ECE1: variants seen among roughly 807,000 people sequenced by gnomAD.
ECE1 encodes endothelin-converting enzyme 1.
ECE1 carries 35 observed loss-of-function variants against 98.6 expected under a neutral mutation model. The observed-to-expected ratio is 0.35, with a 90% CI of 0.27 to 0.47. ECE1 has a LOEUF of 0.47. Ranked by LOEUF, ECE1 falls within the 20% of genes least tolerant of loss-of-function variation. ECE1 has a pLI of 1.00. For synonymous variants in ECE1, 394 were observed against 407.1 expected, an observed-to-expected ratio of 0.97 and a Z score of 0.39; for missense variants, 814 against 1,025.3, an observed-to-expected ratio of 0.79 and a Z score of 2.81.
rs749116675 is a variant in ECE1 at position 21,290,193 on chromosome 1, C to G, written c.52-37G>C. On this transcript the variant is annotated intron_variant, in intron 1 of 18. Transcript: ENST00000374893. The surrounding 1 kb of genome is among the most constrained non-coding windows in gnomAD (Gnocchi z 7.3). ...AATGCAGCACGGACTCCCTCAGCGC[C>G]TCCATGGCTCTCGCGCCCGAATGGG... 4 of 1,492,688 alleles carry G rather than the reference C, an allele frequency of 2.7e-6. No individual in the cohort carries two copies. The South Asian group carries it at 5.2e-5, about 19-fold the overall frequency. 92.5% of individuals were successfully genotyped at this position (1,492,688 alleles called of 1,614,324 possible).
intron 4 of ECE1, among the ~76,000 whole-genome samples, chr1:21,270,390 G>T (rs930929423): frequency 1.3e-5 from 2 of 152,250 alleles, no homozygotes; most frequent in African/African-American, 4.8e-5. Context: ...GTTCTTGCAG[G>T]CACTGCGGAA....
intron 14 of ECE1, among the ~76,000 whole-genome samples, chr1:21,230,354 C>T (rs1178473348): frequency 6.6e-6 from 1 of 152,086 alleles, no homozygotes; most frequent in African/African-American, 2.4e-5. Context: ...CCTCCCTTTC[C>T]CAACTAAATT....
intron 1 of ECE1, among the ~76,000 whole-genome samples, chr1:21,323,556 C>T (rs530887677): frequency 2.6e-5 from 4 of 151,934 alleles, no homozygotes; most frequent in Admixed American, 6.6e-5. Context: ...CCTGGGAGTT[C>T]GAGACTGCAA....
At chr1:21,293,484 C>G (rs967424110), upstream of ECE1, 1 of 152,056 alleles carries the variant, frequency 6.6e-6, no homozygotes, top group Non-Finnish European at 1.5e-5. Flanking sequence ...TGAGCAAAGG[C>G]GGGAGGCAAG....
At chr1:21,344,176 G>A (rs563692051) in intron 1 of ECE1, among the ~76,000 whole-genome samples, 6 of 152,180 alleles carry the variant, frequency 3.9e-5, no homozygotes, top group Non-Finnish European at 7.4e-5. Context: ...GGAGAGATGG[G>A]GGGGCGGGTT....
rs144860890 is a variant in ECE1 at position 21,225,252 on chromosome 1, G to C, written c.2038C>G (p.Arg680Gly). Reference protein sequence around the residue: ...ADNGGLKAAYRAYQNWVKKNG... With the variant: ...ADNGGLKAAYGAYQNWVKKNG... ...CGTGTGGGGAGCGGGGCTCTCACCC[G>C]ATAGGCCGCCTTGAGACCCCCGTTG... The change falls in exon 17 of 19, where the codon CGG (arginine) becomes GGG (glycine). Residue 680 changes from arginine (R) to glycine (G), a missense_variant and splice_region_variant. By Grantham distance (125) the Arg-to-Gly change is moderately radical (BLOSUM62 -2). Transcript: ENST00000374893. The surrounding 1 kb of genome is among the most constrained non-coding windows in gnomAD (Gnocchi z 5.3). 6.2e-7 allele frequency: 1 copy of C among 1,613,906 alleles called. No homozygotes were observed. Among genetic ancestry groups the C allele is most frequent in the Non-Finnish European group, 8.5e-7 (1 of 1,180,026 alleles).
rs143756049 is a variant in ECE1, at chr1:21,286,579, G to C, written c.138+3491C>G. 2.4e-3 allele frequency among the ~76,000 whole-genome samples: 361 copies of C among 152,272 alleles called. 3 individuals carry two copies. Among genetic ancestry groups the C allele is most frequent in the African/African-American group, 8.3e-3 (346 of 41,550 alleles). On this transcript the variant is annotated intron_variant, in intron 2 of 18. Coordinates refer to ENST00000374893, the MANE Select transcript of ECE1 (RefSeq NM_001397.3). ...CCAGCTTCCTTTGAATTCTGTGCTT[G>C]GTTCAGAGTGACTCACTTTAGTAGA...
At chr1:21,291,558 G>A (rs1026607255), upstream of ECE1, among the ~76,000 whole-genome samples, 4 of 152,126 alleles carry the variant, frequency 2.6e-5, no homozygotes, top group African/African-American at 7.2e-5. Flanking sequence ...ACCATGGCTC[G>A]CTCGCGCCTG....
intron 2 of ECE1, among the ~76,000 whole-genome samples, chr1:21,283,417 T>C (rs2098257220): frequency 6.6e-6 from 1 of 151,888 alleles, no homozygotes; most frequent in African/African-American, 2.4e-5. Flanking sequence ...ATTACAGGTG[T>C]CCGCCACCAC....
intron 2 of ECE1, among the ~76,000 whole-genome samples, chr1:21,282,614 G>A (rs928175625): frequency 8.1e-5 from 12 of 148,814 alleles, no homozygotes; most frequent in Admixed American, 2.0e-4. Context: ...AGAAAGAAAA[G>A]AAAAGAAAAG....
rs543924938 is a variant in ECE1 at position 21,340,698 on chromosome 1, G to A, written c.3+4678C>T. 1.9e-4 allele frequency among the ~76,000 whole-genome samples: 29 copies of A among 152,172 alleles called. No homozygotes were observed. Among genetic ancestry groups the A allele is most frequent in the African/African-American group, 6.3e-4 (26 of 41,494 alleles). On this transcript the variant is annotated intron_variant, in intron 1 of 18. Coordinates refer to the ECE1 transcript ENST00000415912. This position sits in a 1 kb window ranked among gnomAD's most constrained non-coding sequence, Gnocchi z 4.6. ...TACTAAAAAAATACAGAAGTTAGTC[G>A]CATGGTGGCACGCCTGTAATCCCAG...
chr1:21,227,112 C>T (rs1404342961), intron 16 of ECE1, 47 bp downstream of exon 16: 1 of 1,590,242 alleles, frequency 6.3e-7, no homozygotes, highest in African/African-American at 1.3e-5. Context: ...CCTCTTAAAG[C>T]ACGGAGATTA....
intron 1 of ECE1, among the ~76,000 whole-genome samples, chr1:21,328,533 G>C (rs1360677985): frequency 6.6e-6 from 1 of 152,116 alleles, no homozygotes; most frequent in African/African-American, 2.4e-5. Flanking sequence ...AGGCCGAGGT[G>C]GGTGGATCAC....
intron 2 of ECE1, among the ~76,000 whole-genome samples, chr1:21,288,485 C>T (rs1393260437): frequency 1.3e-5 from 2 of 152,222 alleles, no homozygotes; most frequent in Non-Finnish European, 2.9e-5. Context: ...GACGGGGCTC[C>T]TCCTGCTTGG....
At chr1:21,303,590 C>T (rs1158940220) in intron 1 of ECE1, among the ~76,000 whole-genome samples, 2 of 152,248 alleles carry the variant, frequency 1.3e-5, no homozygotes, top group African/African-American at 4.8e-5. Flanking sequence ...GCAGAACTCA[C>T]AAACTGGCCA....
intron 4 of ECE1, 102 bp downstream of exon 4, chr1:21,272,597 T>G: frequency 6.9e-7 from 1 of 1,443,502 alleles, no homozygotes; most frequent in Non-Finnish European, 9.6e-7. Flanking sequence ...CGGCCCATTC[T>G]GCCAAGCTCC....
chr1:21,323,623 C>CA (rs2103404829), intron 1 of ECE1, among the ~76,000 whole-genome samples: 1 of 139,764 alleles, frequency 7.2e-6, no homozygotes, highest in Non-Finnish European at 1.5e-5. Flanking sequence ...CACCCCGTCC[C>CA]AAAAAACTAA....
chr1:21,304,362 C>T (rs1222652033), intron 1 of ECE1, among the ~76,000 whole-genome samples: 2 of 148,760 alleles, frequency 1.3e-5, no homozygotes, highest in African/African-American at 5.0e-5. Flanking sequence ...AATGCTGGGA[C>T]CACATTCTCC....
At chr1:21,329,882 C>T (rs1366630077) in intron 1 of ECE1, among the ~76,000 whole-genome samples, 3 of 152,154 alleles carry the variant, frequency 2.0e-5, no homozygotes, top group Non-Finnish European at 2.9e-5. Flanking sequence ...CTAGGGCTCA[C>T]GTGGAGTGAC....
Sources: gnomAD v4.1 joint callset for allele counts (sites outside exome capture counted in the v4.1 genomes callset) on GRCh38, gnomAD v4.1.1 for gene constraint, Gnocchi (gnomAD v3.1) non-coding constraint, MANE v1.5 for transcripts, NCBI Gene and HGNC (gene_info 2026-07-23, HGNC 2026-07-21) for gene names.